Variants in TASP1 observed in about 807,000 individuals in gnomAD.
The protein encoded by TASP1 is threonine aspartase 1.
Under a neutral mutation model 56.6 loss-of-function variants are expected in TASP1, and 16 were observed. The observed-to-expected ratio is 0.28, with a 90% CI of 0.19 to 0.43. The LOEUF (loss-of-function observed/expected upper bound fraction) is 0.43, where lower values mean the gene tolerates loss of function less well. Ranked by LOEUF, TASP1 falls within the 20% of genes least tolerant of loss-of-function variation. The pLI is 1.00. For synonymous variants in TASP1, 179 were observed against 184.2 expected, an observed-to-expected ratio of 0.97 and a Z score of 0.23; for missense variants, 393 against 511.6, an observed-to-expected ratio of 0.77 and a Z score of 2.24.
chr20:13,409,325 T>C (rs1340571050), intron 13 of TASP1, among the ~76,000 whole-genome samples: 1 of 151,996 alleles, frequency 6.6e-6, no homozygotes, highest in East Asian at 1.9e-4. Flanking sequence ...TATTTCATAC[T>C]GAGAGAAAGA....
the TASP1 span, among the ~76,000 whole-genome samples, chr20:13,277,637 C>A: frequency 7.3e-6 from 1 of 137,164 alleles, no homozygotes; most frequent in African/African-American, 3.1e-5. Context: ...TTTCTTCCCC[C>A]CTACCCTTTT....
chr20:13,561,737 A>G (rs79128435), intron 7 of TASP1, among the ~76,000 whole-genome samples: 466 of 152,308 alleles, frequency 3.1e-3, no homozygotes, highest in Non-Finnish European at 4.5e-3. Context: ...GACAATGGGA[A>G]AAGATACAAT....
chr20:13,574,918 T>C (rs1041347527), intron 6 of TASP1, among the ~76,000 whole-genome samples: 1 of 151,908 alleles, frequency 6.6e-6, no homozygotes, highest in Non-Finnish European at 1.5e-5. Context: ...CAGAAAAAAA[T>C]ATCTGAAAAG....
chr20:13,378,907 TTTTGCTTTCAG>T, the TASP1 span, among the ~76,000 whole-genome samples: 2 of 152,174 alleles, frequency 1.3e-5, no homozygotes, highest in Non-Finnish European at 2.9e-5. Flanking sequence ...CCTGCTTTAT[TTTTGCTTTCAG>T]TTTGCTTGGT....
At chr20:13,384,860 G>A (rs370158054), downstream of TASP1, among the ~76,000 whole-genome samples, 7 of 152,186 alleles carry the variant, frequency 4.6e-5, no homozygotes, top group Non-Finnish European at 8.8e-5. Flanking sequence ...TTGGGCCAGC[G>A]TTCCTGGGAG....
the TASP1 span, among the ~76,000 whole-genome samples, chr20:13,262,089 C>T: frequency 5.3e-5 from 8 of 152,172 alleles, no homozygotes; most frequent in East Asian, 1.9e-4. Flanking sequence ...TCCTGGAAAC[C>T]GAGTCCTAGA....
chr20:13,559,835 C>A (rs2046282374), intron 7 of TASP1, among the ~76,000 whole-genome samples: 1 of 152,172 alleles, frequency 6.6e-6, no homozygotes, highest in African/African-American at 2.4e-5. Context: ...TTTCAATCAA[C>A]ATGTGCTCAT....
At chr20:13,477,439 A>ATGATCAGCAAG in intron 11 of TASP1, among the ~76,000 whole-genome samples, 1 of 152,170 alleles carries the variant, frequency 6.6e-6, no homozygotes, top group Non-Finnish European at 1.5e-5. Flanking sequence ...TTTATCAATC[A>ATGATCAGCAAG]TTATATTTAG....
intron 13 of TASP1, among the ~76,000 whole-genome samples, chr20:13,398,256 G>A (rs1317490569): frequency 1.3e-5 from 2 of 151,986 alleles, no homozygotes; most frequent in African/African-American, 4.8e-5. Flanking sequence ...TCAAAATCTT[G>A]TGCTTCCTGA....
chr20:13,396,822 T>C (rs577269004), intron 13 of TASP1, among the ~76,000 whole-genome samples: 1 of 152,288 alleles, frequency 6.6e-6, no homozygotes, highest in South Asian at 2.1e-4. Context: ...AAGATGACAT[T>C]CGGGTAAATT....
At chr20:13,221,716 G>C in the TASP1 span, 1 of 1,319,810 alleles carries the variant, frequency 7.6e-7, no homozygotes, top group Non-Finnish European at 9.7e-7. Flanking sequence ...CTCCTCCCCC[G>C]GCGTCACCGC....
chr20:13,586,192 A>C (rs532998557), intron 5 of TASP1, among the ~76,000 whole-genome samples: 2 of 151,736 alleles, frequency 1.3e-5, no homozygotes, highest in South Asian at 2.1e-4. Flanking sequence ...AAAAAAAAAA[A>C]AAAACAGAAG....
chr20:13,410,206 T>C (rs1260446561), intron 13 of TASP1, among the ~76,000 whole-genome samples: 1 of 152,212 alleles, frequency 6.6e-6, no homozygotes, highest in Admixed American at 6.5e-5. Context: ...AGACTACATT[T>C]TCTTGATCCA....
the TASP1 span, among the ~76,000 whole-genome samples, chr20:13,176,680 G>C: frequency 2.0e-5 from 3 of 151,916 alleles, no homozygotes; most frequent in Non-Finnish European, 4.4e-5. Flanking sequence ...TTGTGTCCTT[G>C]TCTGATTTTG....
At chr20:13,539,029 C>T (rs914503083) in intron 8 of TASP1, among the ~76,000 whole-genome samples, 3 of 152,080 alleles carry the variant, frequency 2.0e-5, no homozygotes, top group African/African-American at 4.8e-5. Flanking sequence ...GCCTGGGTGA[C>T]ACAGTGAGAC....
the TASP1 span, among the ~76,000 whole-genome samples, chr20:13,235,029 A>ACAGG: frequency 9.2e-5 from 14 of 152,304 alleles, no homozygotes; most frequent in African/African-American, 3.4e-4. Context: ...AGCACTTAAT[A>ACAGG]CAGGTCCTGT....
At chr20:13,534,745 C>T (rs1194539034) in intron 8 of TASP1, among the ~76,000 whole-genome samples, 3 of 152,174 alleles carry the variant, frequency 2.0e-5, no homozygotes, top group African/African-American at 7.2e-5. Context: ...GAAAAGTGTA[C>T]GTTCTTGGAA....
downstream of TASP1, among the ~76,000 whole-genome samples, chr20:13,388,679 G>C (rs1489214002): frequency 2.0e-5 from 3 of 152,116 alleles, no homozygotes; most frequent in Non-Finnish European, 4.4e-5. Flanking sequence ...GTCTTCAAAA[G>C]CTTTTGAAGC....
chr20:13,115,139 G>A, the TASP1 span, among the ~76,000 whole-genome samples: 1 of 152,142 alleles, frequency 6.6e-6, no homozygotes, highest in Non-Finnish European at 1.5e-5. Flanking sequence ...TTTTGGCACT[G>A]TTTTTTGACA....
Sources: gnomAD v4.1 joint callset for allele counts (sites outside exome capture counted in the v4.1 genomes callset) on GRCh38, gnomAD v4.1.1 for gene constraint, MANE v1.5 for transcripts, NCBI Gene and HGNC (gene_info 2026-07-23, HGNC 2026-07-21) for gene names.